The following GRHL3 variants were observed in gnomAD, a reference collection of about 807,000 sequenced individuals.
The protein encoded by GRHL3 is grainyhead-like protein 3 homolog.
Under a neutral mutation model 70.3 loss-of-function variants are expected in GRHL3, and 20 were observed. That is an observed-to-expected ratio of 0.28 (90% CI 0.20 to 0.41). The LOEUF (loss-of-function observed/expected upper bound fraction) is 0.41, where lower values mean the gene tolerates loss of function less well. Ranked by LOEUF, GRHL3 falls within the 10% of genes least tolerant of loss-of-function variation. The pLI is 1.00. For synonymous variants in GRHL3, 299 were observed against 299.9 expected (o/e 1.00, Z 0.03); for missense variants, 637 against 762.3 (o/e 0.84, Z 1.94).
At chr1:24,338,129 C>A (rs773354574) in intron 7 of GRHL3, 26 bp downstream of exon 7, 3 of 1,466,598 alleles carry the variant, frequency 2.0e-6, no homozygotes, top group East Asian at 4.5e-5. Context: ...AGCCTCCATT[C>A]CAGCTCCCCT....
intron 12 of GRHL3, among the ~76,000 whole-genome samples, chr1:24,346,168 C>CGAT (rs1313972566): frequency 4.7e-5 from 7 of 148,112 alleles, no homozygotes; most frequent in African/African-American, 7.4e-5. Flanking sequence ...TAAAAAGGAA[C>CGAT]GATGATGATG....
At chr1:24,325,844 T>C (rs1365369221) in intron 1 of GRHL3, among the ~76,000 whole-genome samples, 4 of 152,182 alleles carry the variant, frequency 2.6e-5, no homozygotes, top group African/African-American at 9.7e-5. Flanking sequence ...TCTCTCTTGA[T>C]CTTGTTGCCT....
intron 14 of GRHL3, 115 bp downstream of exon 14, chr1:24,347,668 C>G (rs1640345178): frequency 1.2e-6 from 1 of 825,496 alleles, no homozygotes; most frequent in East Asian, 2.5e-5. Flanking sequence ...TGCCGGTGGC[C>G]TACCCGTCCC....
rs1458498226 is a variant in GRHL3, at chr1:24,342,202, T to C, written c.1135T>C (p.Tyr379His). ...GVPLNLQIDT[Y>H]DCGLGTERLV... Reference sequence around the variant, plus strand: ...CCCCCTGAACCTGCAGATTGACACCTATGACTGTGGCTTGGGCACTGAGCG... The same window carrying C: ...CCCCCTGAACCTGCAGATTGACACCCATGACTGTGGCTTGGGCACTGAGCG... The change falls in exon 9 of 16, where the codon TAT (tyrosine) becomes CAT (histidine). Residue 379 changes from tyrosine to histidine, a missense_variant. By Grantham distance (83) the Tyr-to-His change is moderately conservative. Transcript: ENST00000361548. The surrounding 1 kb of genome is among the most constrained non-coding windows in gnomAD (Gnocchi z 4.8). 2 of 1,613,546 alleles carry C rather than the reference T, an allele frequency of 1.2e-6. No individual in the cohort carries two copies. Among genetic ancestry groups the C allele is most frequent in the African/African-American group, 2.7e-5 (2 of 74,896 alleles).
intron 11 of GRHL3, 184 bp downstream of exon 11, chr1:24,343,209 A>G (rs1464120005): frequency 3.3e-6 from 2 of 600,372 alleles, no homozygotes; most frequent in African/African-American, 3.7e-5. Context: ...TATTGTATTG[A>G]AGAGAAGAAT....
chr1:24,346,631 C>T lies in GRHL3; in HGVS notation c.1533C>T (p.Asp511=), dbSNP rs1456288718. The change falls in exon 13 of 16, where the codon GAC becomes GAT. Residue 511 remains aspartate, a synonymous_variant. Transcript: ENST00000361548. ...CCTCCAAGCAGGCCAAGGAAGGCGA[C>T]CTTCAGAGAGGTGACCTCCCGCCCT... is the stretch of plus-strand genomic sequence containing the variant. ...PLPSKQAKEG[D]LQRVLLYVRR... is the part of the protein sequence containing the mutation. 2 of 1,611,872 alleles carry T rather than the reference C, an allele frequency of 1.2e-6. No individual in the cohort carries two copies. Among genetic ancestry groups the T allele is most frequent in the East Asian group, 2.2e-5 (1 of 44,826 alleles).
chr1:24,324,125 A>G (rs1639305257), intron 1 of GRHL3, among the ~76,000 whole-genome samples: 1 of 152,236 alleles, frequency 6.6e-6, no homozygotes, highest in Non-Finnish European at 1.5e-5. Context: ...CAGTTGAACA[A>G]TAGATGGGGG....
In GRHL3 at chr1:24,336,511, A is replaced by T; in HGVS notation, c.296A>T (p.Asp99Val). 6.3e-7 allele frequency: 1 copy of T among 1,598,192 alleles called. No individual in the cohort carries two copies. The highest frequency in any genetic ancestry group is 1.1e-5 in the South Asian group (1 of 89,188). Residue 99 changes from aspartate (D) to valine (V), a missense_variant, in exon 4 of 16, where the codon GAC becomes GTC. Transcript: ENST00000361548. The stretch of plus-strand genomic sequence containing the variant: ...TACCATGGCATGGAATATGAGACGG[A>T]CCTCACTCCCCTTGAAAGCCCCACA... ...RYYHGMEYET[D>V]LTPLESPTHL... is the part of the protein sequence containing the mutation.
In GRHL3 at chr1:24,322,576, A is replaced by G. The variant is rs1489090903; in HGVS notation, c.17+3008A>G. On this transcript the variant is annotated intron_variant, in intron 1 of 15. Coordinates refer to ENST00000361548, the MANE Select transcript of GRHL3 (RefSeq NM_198173.3). This position sits in a 1 kb window ranked among gnomAD's most constrained non-coding sequence, Gnocchi z 4.4. The stretch of plus-strand genomic sequence containing the variant: ...GGACTGGGCCGAGAGGCTTGAGCCA[A>G]CCCTAACGGCGGCGGCCCGGGCGGC... Among the ~76,000 whole-genome samples, 1 of 152,198 alleles carries G rather than the reference A, an allele frequency of 6.6e-6. No homozygotes were observed. The highest frequency in any genetic ancestry group is 1.5e-5 in the Non-Finnish European group (1 of 68,026).
At chr1:24,363,458 C>A (rs1641254121) in intron 15 of GRHL3, among the ~76,000 whole-genome samples, 1 of 152,204 alleles carries the variant, frequency 6.6e-6, no homozygotes, top group African/African-American at 2.4e-5. Flanking sequence ...GTGACAACTT[C>A]AGGCAGTACA....
At chr1:24,352,966 C>T (rs1640575493) in intron 15 of GRHL3, among the ~76,000 whole-genome samples, 1 of 152,238 alleles carries the variant, frequency 6.6e-6, no homozygotes, top group Admixed American at 6.5e-5. Flanking sequence ...TCTCCATTGC[C>T]CTCGGGGGGT....
At position 24,354,800 on chromosome 1, in the gene GRHL3, C is replaced by T. The variant is rs1463462639; in HGVS notation, c.*312C>T. 4.6e-6 allele frequency: 1 copy of T among 219,266 alleles called. No individual in the cohort carries two copies. The highest frequency in any genetic ancestry group is 2.3e-5 in the African/African-American group (1 of 44,260). 13.6% of individuals were successfully genotyped at this position (219,266 alleles called of 1,614,324 possible). ...TGTTCCCTCCTCCCAAGACCCTTGT[C>T]TGCAGTGGTGCTCCTGCAGGCTGCC... On this transcript the variant is annotated 3_prime_UTR_variant, in exon 16 of 16. Coordinates refer to ENST00000361548, the MANE Select transcript of GRHL3 (RefSeq NM_198173.3).
chr1:24,327,396 A>C (rs1206382067), intron 1 of GRHL3, among the ~76,000 whole-genome samples: 1 of 152,214 alleles, frequency 6.6e-6, no homozygotes, highest in Non-Finnish European at 1.5e-5. Flanking sequence ...CCTGACTGGC[A>C]CACTGGCACA....
At chr1:24,351,856 G>A (rs1032711466) in intron 15 of GRHL3, among the ~76,000 whole-genome samples, 14 of 152,326 alleles carry the variant, frequency 9.2e-5, no homozygotes, top group African/African-American at 3.1e-4. Flanking sequence ...GACCCTTTGA[G>A]CTGGGTATCA....
chr1:24,337,084 C>A lies in GRHL3; in HGVS notation c.619C>A (p.Leu207Ile). ...TFKDDPQESM[L>I]FPDILKTSPE... ...GGGCTGTGTTTCTCTGCAGTCGATG[C>A]TCTTCCCAGATATCCTGAAAACCTC... Residue 207 changes from leucine to isoleucine, a missense_variant, in exon 5 of 16, where the codon CTC (leucine) becomes ATC (isoleucine). This residue lies in a region of GRHL3 where 387 missense variants were observed against 513.8 expected (regional missense o/e 0.75). Coordinates refer to ENST00000361548, the MANE Select transcript of GRHL3 (RefSeq NM_198173.3). The A allele has an allele frequency of 6.2e-7, 1 of 1,613,954 alleles. No individual in the cohort carries two copies. Among genetic ancestry groups the A allele is most frequent in the South Asian group, 1.1e-5 (1 of 91,054 alleles).
rs187447983 is a variant in GRHL3, at chr1:24,331,675, C to T, written c.204+63C>T. 3.2e-4 allele frequency: 457 copies of T among 1,443,726 alleles called. No individual in the cohort carries two copies. The African/African-American group carries it at 5.9e-3, about 19-fold the overall frequency. The allele number at this position is 1,443,726 out of a possible 1,614,324, so 89.4% of individuals were successfully genotyped here. On this transcript the variant is annotated intron_variant, in intron 2 of 15. Transcript: ENST00000361548. ...GAATGGGTGTCTTCACTTCAGGCCT[C>T]ATGGCTCAGCAGCCCACCATGACCA...
downstream of GRHL3, chr1:24,357,044 AG>A (rs796084354): frequency 2.1e-3 from 222 of 104,960 alleles, no homozygotes; most frequent in African/African-American, 7.7e-3. Flanking sequence ...TTTAAAATTA[AG>A]GCCCCCCCCC....
downstream of GRHL3, chr1:24,358,321 G>A (rs991887034): frequency 1.5e-6 from 1 of 684,928 alleles, no homozygotes; most frequent in African/African-American, 1.8e-5. Context: ...GGAAGCCACT[G>A]GAGTCTGTGG....
rs757022889 is a variant in GRHL3, at chr1:24,344,925, C to T, written c.1448C>T (p.Ser483Phe). ...GAAPSAGPSSSNRLPLKRTCS... is the reference protein window; with the variant it reads ...GAAPSAGPSSFNRLPLKRTCS... ...GCCCCCTCGGCAGGACCCAGCAGCT[C>T]CAACAGGTATGGAGAGAAACAACCA... Residue 483 changes from serine (S) to phenylalanine (F), a missense_variant, in exon 12 of 16, where the codon TCC (serine) becomes TTC (phenylalanine). Physicochemically the swap from Ser to Phe is radical, Grantham distance 155. Around this residue, in one of 2 missense-constraint regions of GRHL3, gnomAD observed 387 missense variants for 513.8 expected, o/e 0.75. Transcript: ENST00000361548. 6.8e-6 allele frequency: 11 copies of T among 1,613,588 alleles called. No homozygotes were observed. The highest frequency in any genetic ancestry group is 8.5e-6 in the Non-Finnish European group (10 of 1,179,724).
Sources: allele counts gnomAD v4.1 joint callset (sites outside exome capture counted in the v4.1 genomes callset), GRCh38; gene constraint gnomAD v4.1.1; regional missense constraint gnomAD v4.1.1; non-coding constraint Gnocchi (gnomAD v3.1); transcripts MANE v1.5; gene names NCBI Gene and HGNC (gene_info 2026-07-23, HGNC 2026-07-21).